Variants in CORO2B observed in about 807,000 individuals in gnomAD.
CORO2B encodes coronin 2B.
CORO2B carries 26 observed loss-of-function variants against 58.8 expected under a neutral mutation model. The ratio of observed to expected loss-of-function variants is 0.44; its 90% CI spans 0.32 to 0.61. The LOEUF (loss-of-function observed/expected upper bound fraction) is 0.61. Ranked by LOEUF, CORO2B falls within the 20% of genes least tolerant of loss-of-function variation. The pLI is 0.04. For synonymous variants in CORO2B, 242 were observed against 253.8 expected, an observed-to-expected ratio of 0.95 and a Z score of 0.44; for missense variants, 460 against 645.1, an observed-to-expected ratio of 0.71 and a Z score of 3.11.
At chr15:68,674,287 C>A (rs1902500122) in intron 2 of CORO2B, among the ~76,000 whole-genome samples, 1 of 152,110 alleles carries the variant, frequency 6.6e-6, no homozygotes, top group Non-Finnish European at 1.5e-5. Flanking sequence ...GGTCTGAGAG[C>A]TCCCTGCTGG....
At chr15:68,674,406 G>A (rs1319093162) in intron 2 of CORO2B, among the ~76,000 whole-genome samples, 3 of 152,216 alleles carry the variant, frequency 2.0e-5, no homozygotes, top group Non-Finnish European at 4.4e-5. Context: ...TGAAGCCAGC[G>A]AATGCCCCAG....
the CORO2B span, among the ~76,000 whole-genome samples, chr15:68,555,379 G>A: frequency 6.6e-6 from 1 of 152,198 alleles, no homozygotes; most frequent in Non-Finnish European, 1.5e-5. Context: ...GGGACTGAGA[G>A]AATGAGCTCC....
intron 2 of CORO2B, among the ~76,000 whole-genome samples, chr15:68,674,653 G>A (rs1294583730): frequency 2.0e-5 from 3 of 152,242 alleles, no homozygotes; most frequent in Admixed American, 6.5e-5. Context: ...AGAAAGGCTC[G>A]TGGGCAGTGG....
chr15:68,614,937 C>T (rs77694602), intron 1 of CORO2B, among the ~76,000 whole-genome samples: 16 of 152,296 alleles, frequency 1.1e-4, no homozygotes, highest in African/African-American at 3.6e-4. Flanking sequence ...GTGTGGAAGT[C>T]GGGTGGGGTG....
At chr15:68,529,400 C>T in the CORO2B span, among the ~76,000 whole-genome samples, 12 of 152,168 alleles carry the variant, frequency 7.9e-5, no homozygotes, top group African/African-American at 1.7e-4. Context: ...GATATCACAA[C>T]GTTCAAGAAA....
intron 11 of CORO2B, among the ~76,000 whole-genome samples, chr15:68,724,058 C>T (rs10851791): frequency 0.8 from 121,960 of 151,774 alleles, 53,265 homozygotes; most frequent in Non-Finnish European, 0.96. Flanking sequence ...AAAAATTAGC[C>T]GGGCGTGATG....
intron 1 of CORO2B, among the ~76,000 whole-genome samples, chr15:68,579,555 G>A (rs1169944523): frequency 6.6e-6 from 1 of 152,220 alleles, no homozygotes; most frequent in African/African-American, 2.4e-5. Context: ...CCTTGTTTGG[G>A]ATGCTGCATT....
chr15:68,707,105 C>T (rs1003476828), intron 3 of CORO2B, among the ~76,000 whole-genome samples: 8 of 152,124 alleles, frequency 5.3e-5, no homozygotes, highest in South Asian at 4.1e-4. Flanking sequence ...GGATTACAAG[C>T]GCGCGCCACC....
At chr15:68,575,212 G>C (rs558022012), upstream of CORO2B, among the ~76,000 whole-genome samples, 1 of 152,320 alleles carries the variant, frequency 6.6e-6, no homozygotes, top group Admixed American at 6.5e-5. Context: ...CTCAAACAAT[G>C]GGGAAGAGGA....
chr15:68,716,501 T>C (rs1374375714), intron 8 of CORO2B, among the ~76,000 whole-genome samples: 2 of 152,158 alleles, frequency 1.3e-5, no homozygotes, highest in East Asian at 3.8e-4. Flanking sequence ...AAACAGAACA[T>C]GGCCTTACTC....
intron 1 of CORO2B, among the ~76,000 whole-genome samples, chr15:68,636,612 G>A (rs1262901903): frequency 6.6e-6 from 1 of 152,204 alleles, no homozygotes; most frequent in East Asian, 1.9e-4. Flanking sequence ...GGGGCCCTGT[G>A]AGTTGGTAGG....
At chr15:68,563,021 A>G in the CORO2B span, among the ~76,000 whole-genome samples, 1 of 151,722 alleles carries the variant, frequency 6.6e-6, no homozygotes, top group African/African-American at 2.4e-5. Flanking sequence ...AACGTAATAT[A>G]CTAAAATGCC....
intron 3 of CORO2B, among the ~76,000 whole-genome samples, chr15:68,703,178 G>C (rs1490504808): frequency 8.3e-6 from 1 of 121,084 alleles, no homozygotes; most frequent in Non-Finnish European, 1.6e-5. Flanking sequence ...TTGAGACGGA[G>C]TCTTGCTCTG....
At chr15:68,690,522 CCT>C (rs1468035783) in intron 2 of CORO2B, among the ~76,000 whole-genome samples, 6 of 152,260 alleles carry the variant, frequency 3.9e-5, no homozygotes, top group Admixed American at 6.5e-5. Flanking sequence ...ACTTTCCTCG[CCT>C]CTGTCTTCCC....
At chr15:68,593,232 T>C (rs1156391661) in intron 1 of CORO2B, among the ~76,000 whole-genome samples, 2 of 152,294 alleles carry the variant, frequency 1.3e-5, no homozygotes, top group African/African-American at 4.8e-5. Context: ...TCAACATGAG[T>C]TTTGGCAGAG....
the CORO2B span, among the ~76,000 whole-genome samples, chr15:68,564,217 G>A: frequency 6.6e-6 from 1 of 152,252 alleles, no homozygotes; most frequent in Admixed American, 6.5e-5. Context: ...TTTTCAGCAT[G>A]TGAGCATTCC....
At chr15:68,692,442 G>T (rs1408647773) in intron 2 of CORO2B, among the ~76,000 whole-genome samples, 2 of 151,656 alleles carry the variant, frequency 1.3e-5, no homozygotes, top group East Asian at 3.9e-4. Flanking sequence ...AAAATTAGCT[G>T]GGCATGATGG....
rs190296152 is a variant in CORO2B, at chr15:68,691,778, T to C, written c.217-3362T>C. Reference sequence around the variant, plus strand: ...TAAATAGGCTCCTCTCTGTTCTGAATAGGTTCCGGTGATGTTGCCTAACCT... The same window carrying C: ...TAAATAGGCTCCTCTCTGTTCTGAACAGGTTCCGGTGATGTTGCCTAACCT... On this transcript the variant is annotated intron_variant, in intron 2 of 11. Coordinates refer to ENST00000261861, the MANE Select transcript of CORO2B (RefSeq NM_006091.5). Among the ~76,000 whole-genome samples, 782 of 152,222 alleles carry C rather than the reference T, an allele frequency of 5.1e-3. 6 individuals are homozygous for C. The highest frequency in any genetic ancestry group is 0.018 in the African/African-American group (745 of 41,526).
the CORO2B span, among the ~76,000 whole-genome samples, chr15:68,543,931 G>A: frequency 2.0e-5 from 3 of 152,108 alleles, no homozygotes; most frequent in Non-Finnish European, 4.4e-5. Context: ...TCCAGATCCT[G>A]GCCCTTACCT....
Sources: allele counts gnomAD v4.1 joint callset (sites outside exome capture counted in the v4.1 genomes callset), GRCh38; gene constraint gnomAD v4.1.1; transcripts MANE v1.5; gene names NCBI Gene and HGNC (gene_info 2026-07-23, HGNC 2026-07-21).